Variants in PAPPA2 observed in about 807,000 individuals in gnomAD.
PAPPA2 encodes the protein pappalysin 2, also known as pappalysin-2.
A neutral mutation model predicts 176.4 loss-of-function variants in PAPPA2; 86 were observed. The ratio of observed to expected loss-of-function variants is 0.49; its 90% confidence interval spans 0.41 to 0.58. The LOEUF (loss-of-function observed/expected upper bound fraction) is 0.58, where lower values mean the gene tolerates loss of function less well. Ranked by LOEUF, PAPPA2 falls within the 20% of genes least tolerant of loss-of-function variation. The pLI is 0.00. For missense variants in PAPPA2, 2,073 were observed against 2,256.9 expected, an observed-to-expected ratio of 0.92 and a Z score of 1.65; for synonymous variants, 809 against 852.2, an observed-to-expected ratio of 0.95 and a Z score of 0.88.
chr1:176,686,498 G>C (rs940738994), intron 4 of PAPPA2, among the ~76,000 whole-genome samples: 2 of 152,138 alleles, frequency 1.3e-5, no homozygotes, highest in East Asian at 3.9e-4. Context: ...AATGAGATTT[G>C]GGGTGGGGAC....
At chr1:176,760,822 TTTTG>T (rs1201464136) in intron 14 of PAPPA2, among the ~76,000 whole-genome samples, 1 of 152,106 alleles carries the variant, frequency 6.6e-6, no homozygotes, top group Non-Finnish European at 1.5e-5. Context: ...TTTTTGTTTT[TTTTG>T]TTTGTTTGTT....
rs760411237 is a variant in PAPPA2 at position 176,840,212 on chromosome 1, C to T, written c.5242C>T (p.Arg1748Ter). Residue 1748 changes from arginine to a stop codon, truncating the protein, a stop_gained, in exon 22 of 23, where the codon CGA (arginine) becomes TGA (stop). Coordinates refer to ENST00000367662, the MANE Select transcript of PAPPA2 (RefSeq NM_020318.3). LOFTEE classifies it high-confidence loss of function. ...ADGWCDTINN[R>*]AYCHYDGGDC... ...TGGTTGGTGTGACACTATCAACAAC[C>T]GAGCCTACTGCCACTATGACGGGGG... The T allele has an allele frequency of 1.9e-6, 3 of 1,613,318 alleles. No individual in the cohort carries two copies. The highest frequency in any genetic ancestry group is 8.5e-7 in the Non-Finnish European group (1 of 1,179,640).
intron 3 of PAPPA2, among the ~76,000 whole-genome samples, chr1:176,656,650 C>A (rs1192895928): frequency 2.0e-5 from 3 of 151,776 alleles, no homozygotes; most frequent in South Asian, 4.1e-4. Flanking sequence ...GTATTTTAGT[C>A]ATTCTTTTGT....
intron 3 of PAPPA2, chr1:176,616,541 A>G (rs566502728): frequency 1.0e-5 from 14 of 1,344,308 alleles, no homozygotes; most frequent in East Asian, 2.4e-5. Flanking sequence ...AATGTAACCA[A>G]TCAGCAACAA....
intron 4 of PAPPA2, among the ~76,000 whole-genome samples, chr1:176,678,238 A>T (rs1020325401): frequency 6.6e-6 from 1 of 152,184 alleles, no homozygotes; most frequent in African/African-American, 2.4e-5. Context: ...CAAACCACAC[A>T]TTCTTAGAGT....
At chr1:176,740,277 A>C in intron 14 of PAPPA2, 81 bp downstream of exon 14, 2 of 1,359,224 alleles carry the variant, frequency 1.5e-6, no homozygotes, top group East Asian at 4.9e-5. Context: ...TGTTATGTAT[A>C]GAGTGTTTGC....
chr1:176,766,169 A>G (rs750606111), intron 15 of PAPPA2, among the ~76,000 whole-genome samples: 5 of 152,210 alleles, frequency 3.3e-5, no homozygotes, highest in Non-Finnish European at 7.3e-5. Context: ...ATTTTCAGGA[A>G]AGACTGGTTG....
intron 17 of PAPPA2, among the ~76,000 whole-genome samples, chr1:176,773,277 G>T (rs1664315954): frequency 6.6e-6 from 1 of 152,152 alleles, no homozygotes; most frequent in East Asian, 1.9e-4. Context: ...GTAATCAGAA[G>T]TTTGCAAGTC....
At chr1:176,835,126 C>T (rs77823108) in intron 21 of PAPPA2, among the ~76,000 whole-genome samples, 1,809 of 152,308 alleles carry the variant, frequency 0.012, 104 homozygotes, top group East Asian at 0.1. Context: ...ACCCTTCTTT[C>T]TCAGTAAATT....
At chr1:176,600,532 C>T (rs916154477) in intron 3 of PAPPA2, among the ~76,000 whole-genome samples, 5 of 151,364 alleles carry the variant, frequency 3.3e-5, no homozygotes, top group Non-Finnish European at 7.4e-5. Context: ...AAAAATTAGC[C>T]GGGCGTGGTA....
chr1:176,616,803 A>G, intron 3 of PAPPA2: 1 of 784,608 alleles, frequency 1.3e-6, no homozygotes, highest in Non-Finnish European at 2.1e-6. Context: ...AATTTAGTTA[A>G]AAAATACTCA....
In PAPPA2 at chr1:176,586,930, T is replaced by A. The variant is rs1280532433; in HGVS notation, c.920-7594T>A. Among the ~76,000 whole-genome samples the A allele has an allele frequency of 3.9e-5, 6 of 152,190 alleles. No homozygotes were observed. The East Asian group carries it at 1.2e-3, about 29-fold the overall frequency. ...ACCAACAGTGTAAAAGCTTTCCTAT[T>A]TCTCCACATCCTCGCCAGCATGTAT... is the stretch of plus-strand genomic sequence containing the variant. On this transcript the variant is annotated intron_variant, in intron 2 of 22. Coordinates refer to ENST00000367662, the MANE Select transcript of PAPPA2 (RefSeq NM_020318.3).
Position 176,692,219 on chromosome 1 carries a change from A to C in PAPPA2, c.2525A>C (p.Lys842Thr). 5.0e-6 allele frequency: 8 copies of C among 1,614,066 alleles called. No homozygotes were observed. The highest frequency in any genetic ancestry group is 6.8e-6 in the Non-Finnish European group (8 of 1,179,940). Reference sequence around the variant, plus strand: ...TATCAGCAGTGGACTGAAAGCAGAAAGCCCACCCCCATCCCCATTCCACCT... The same window carrying C: ...TATCAGCAGTGGACTGAAAGCAGAACGCCCACCCCCATCCCCATTCCACCT... ...LVYQQWTESR[K>T]PTPIPIPPMV... The change falls in exon 6 of 23, where the codon AAG (lysine) becomes ACG (threonine). Residue 842 changes from lysine (K) to threonine (T), a missense_variant. Transcript: ENST00000367662.
intron 4 of PAPPA2, among the ~76,000 whole-genome samples, chr1:176,676,379 G>A (rs1007890937): frequency 4.6e-5 from 7 of 151,404 alleles, no homozygotes; most frequent in Admixed American, 1.3e-4. Context: ...TGTGTACATC[G>A]ACACAATGAA....
chr1:176,487,777 G>A (rs1179279025), intron 1 of PAPPA2, among the ~76,000 whole-genome samples: 1 of 152,170 alleles, frequency 6.6e-6, no homozygotes, highest in Non-Finnish European at 1.5e-5. Context: ...TCAAGTAGGG[G>A]TCAGATATGT....
At chr1:176,583,401 G>A (rs1307234805) in intron 2 of PAPPA2, among the ~76,000 whole-genome samples, 1 of 151,688 alleles carries the variant, frequency 6.6e-6, no homozygotes, top group East Asian at 1.9e-4. Flanking sequence ...GTGTTCCATA[G>A]GTTTTGGTAT....
intron 17 of PAPPA2, among the ~76,000 whole-genome samples, chr1:176,772,104 T>C (rs59873594): frequency 0.025 from 3,768 of 152,234 alleles, 155 homozygotes; most frequent in African/African-American, 0.087. Flanking sequence ...AATTACTCAA[T>C]AAATGGTTTC....
chr1:176,783,834 T>A (rs1275292037), intron 17 of PAPPA2, among the ~76,000 whole-genome samples: 2 of 152,176 alleles, frequency 1.3e-5, no homozygotes, highest in Non-Finnish European at 2.9e-5. Context: ...ATTTTAGTAG[T>A]TTACCAACCT....
intron 12 of PAPPA2, among the ~76,000 whole-genome samples, chr1:176,718,069 GTGTTTTCTT>G (rs1661454248): frequency 6.6e-6 from 1 of 152,038 alleles, no homozygotes; most frequent in South Asian, 2.1e-4. Flanking sequence ...TCTGAGCCTG[GTGTTTTCTT>G]TGAGGAAAAA....
Sources: allele counts gnomAD v4.1 joint callset (sites outside exome capture counted in the v4.1 genomes callset), GRCh38; gene constraint gnomAD v4.1.1; transcripts MANE v1.5; gene names NCBI Gene and HGNC (gene_info 2026-07-23, HGNC 2026-07-21).